TENM2: variants seen among roughly 807,000 people sequenced by gnomAD.
The protein encoded by TENM2 is teneurin transmembrane protein 2, also known as teneurin-2.
In TENM2, 52 loss-of-function variants were observed where a neutral mutation model predicts 245.2. The ratio of observed to expected loss-of-function variants is 0.21; its 90% CI spans 0.17 to 0.27. The LOEUF (loss-of-function observed/expected upper bound fraction) is 0.27, where lower values mean the gene tolerates loss of function less well. TENM2 is among the 10% of genes least tolerant of loss of function. The pLI is 1.00. For missense variants in TENM2, 3,046 were observed against 3,666.8 expected, an observed-to-expected ratio of 0.83 and a Z score of 4.37; for synonymous variants, 1,363 against 1,438.9, an observed-to-expected ratio of 0.95 and a Z score of 1.19.
intron 1 of TENM2, among the ~76,000 whole-genome samples, chr5:167,361,691 C>T (rs1290159793): frequency 6.6e-6 from 1 of 152,160 alleles, no homozygotes; most frequent in Admixed American, 6.5e-5. Flanking sequence ...CAACAGTTTT[C>T]AGTGGATAGT....
At chr5:167,391,622 C>CAAAAAAAAAAAAAAA (rs56202184) in intron 2 of TENM2, among the ~76,000 whole-genome samples, 1 of 53,500 alleles carries the variant, frequency 1.9e-5, no homozygotes, top group Non-Finnish European at 3.8e-5. Flanking sequence ...AAGACTTCAT[C>CAAAAAAAAAAAAAAA]AAAAAAAAAA....
At chr5:167,486,837 G>C (rs1313029671) in intron 2 of TENM2, among the ~76,000 whole-genome samples, 1 of 152,060 alleles carries the variant, frequency 6.6e-6, no homozygotes, top group Non-Finnish European at 1.5e-5. Context: ...TTTAATCGAA[G>C]GACCAAATCT....
At chr5:167,358,047 G>C (rs1048532709) in intron 1 of TENM2, among the ~76,000 whole-genome samples, 1 of 152,190 alleles carries the variant, frequency 6.6e-6, no homozygotes, top group Non-Finnish European at 1.5e-5. Context: ...AATTCTACCT[G>C]CCTGTCTCCT....
intron 12 of TENM2, among the ~76,000 whole-genome samples, chr5:168,148,401 T>C (rs868497340): frequency 1.3e-5 from 2 of 152,352 alleles, no homozygotes; most frequent in African/African-American, 4.8e-5. Flanking sequence ...AACAGAAGTC[T>C]CTTATTTCTC....
chr5:167,949,752 A>T (rs893515002), intron 3 of TENM2, among the ~76,000 whole-genome samples: 1 of 152,180 alleles, frequency 6.6e-6, no homozygotes, highest in African/African-American at 2.4e-5. Flanking sequence ...ACCTCTAGCT[A>T]AATGCCCCTC....
In TENM2 at chr5:167,430,950, C is replaced by A. The variant is rs1455551036; in HGVS notation, c.502+55477C>A. Among the ~76,000 whole-genome samples the A allele has an allele frequency of 4.6e-5, 7 of 152,076 alleles. No homozygotes were observed. In the East Asian group the frequency reaches 1.2e-3, roughly 25 times the overall value. On this transcript the variant is annotated intron_variant, in intron 2 of 28. Transcript: ENST00000518659. ...ATATTTCCAATGTTTCTATGCAAGC[C>A]AATCACTTTATGGAGCCTGAAAAAT... is the stretch of plus-strand genomic sequence containing the variant.
intron 2 of TENM2, among the ~76,000 whole-genome samples, chr5:167,407,838 C>A (rs753539949): frequency 2.0e-5 from 3 of 152,210 alleles, no homozygotes; most frequent in Non-Finnish European, 4.4e-5. Context: ...CAACAAAAAA[C>A]CACAAACTGG....
At chr5:168,039,276 G>T (rs899946751) in intron 5 of TENM2, among the ~76,000 whole-genome samples, 1 of 152,138 alleles carries the variant, frequency 6.6e-6, no homozygotes, top group Non-Finnish European at 1.5e-5. Context: ...TGGTCTCACC[G>T]ATCTGCCCCT....
At chr5:167,701,602 T>C (rs1758149072) in intron 2 of TENM2, among the ~76,000 whole-genome samples, 1 of 151,800 alleles carries the variant, frequency 6.6e-6, no homozygotes, top group Non-Finnish European at 1.5e-5. Context: ...AAGCTCTGGT[T>C]CTGTGTCTTA....
At chr5:168,195,059 G>T in intron 14 of TENM2, 117 bp from the exon 17 acceptor site, 1 of 1,229,726 alleles carries the variant, frequency 8.1e-7, no homozygotes, top group Non-Finnish European at 1.1e-6. Context: ...AGAAGTTAAT[G>T]TTGAAAGCCT....
chr5:166,989,978 G>C, the TENM2 span, among the ~76,000 whole-genome samples: 2 of 151,790 alleles, frequency 1.3e-5, no homozygotes, highest in African/African-American at 4.8e-5. Flanking sequence ...TGCTCATTTT[G>C]AAGTTAAAGA....
chr5:167,791,266 AT>A (rs1364549340), intron 2 of TENM2, among the ~76,000 whole-genome samples: 1 of 151,720 alleles, frequency 6.6e-6, no homozygotes, highest in Non-Finnish European at 1.5e-5. Context: ...AACAGAAACT[AT>A]TTTTTATATG....
At chr5:167,831,236 A>C (rs971050609) in intron 2 of TENM2, among the ~76,000 whole-genome samples, 1 of 152,164 alleles carries the variant, frequency 6.6e-6, no homozygotes, top group African/African-American at 2.4e-5. Context: ...CAGGTCTGTG[A>C]GTATGAGTTT....
At chr5:167,638,921 A>G (rs78905323) in intron 2 of TENM2, among the ~76,000 whole-genome samples, 14 of 152,238 alleles carry the variant, frequency 9.2e-5, no homozygotes, top group Admixed American at 9.2e-4. Flanking sequence ...CATCACTGGC[A>G]CTGGGCTAAC....
chr5:167,683,249 C>CTTTTTTTT (rs1554100261), intron 2 of TENM2, among the ~76,000 whole-genome samples: 1 of 67,364 alleles, frequency 1.5e-5, no homozygotes, highest in African/African-American at 1.4e-4. Context: ...AGGACCATGT[C>CTTTTTTTT]TTTTTTTTTT....
chr5:167,694,838 T>A (rs1013434414), intron 2 of TENM2, among the ~76,000 whole-genome samples: 3 of 152,164 alleles, frequency 2.0e-5, no homozygotes, highest in African/African-American at 7.2e-5. Flanking sequence ...AATGTTTACA[T>A]GCAGAAAAAA....
intron 3 of TENM2, among the ~76,000 whole-genome samples, chr5:167,903,296 C>G (rs1272609117): frequency 6.6e-6 from 1 of 152,054 alleles, no homozygotes; most frequent in Non-Finnish European, 1.5e-5. Flanking sequence ...GATGTGGCCT[C>G]TAAGCTCACG....
chr5:167,267,578 A>G, the TENM2 span, among the ~76,000 whole-genome samples: 1 of 152,144 alleles, frequency 6.6e-6, no homozygotes, highest in Non-Finnish European at 1.5e-5. Context: ...AGAACCTTTT[A>G]TCTGCATGTA....
intron 4 of TENM2, among the ~76,000 whole-genome samples, chr5:167,962,705 A>T (rs997842413): frequency 2.6e-5 from 4 of 152,174 alleles, no homozygotes; most frequent in African/African-American, 9.6e-5. Flanking sequence ...ACATGGCAGC[A>T]TCAACTGCTG....
Sources: allele counts gnomAD v4.1 joint callset (sites outside exome capture counted in the v4.1 genomes callset), GRCh38; gene constraint gnomAD v4.1.1; transcripts MANE v1.5; gene names NCBI Gene and HGNC (gene_info 2026-07-23, HGNC 2026-07-21).